Variants in DIXDC1 observed in about 807,000 individuals in gnomAD.
The protein encoded by DIXDC1 is DIX domain containing 1.
DIXDC1 carries 64 observed loss-of-function variants against 103.1 expected under a neutral mutation model. The ratio of observed to expected loss-of-function variants is 0.62; its 90% confidence interval spans 0.51 to 0.76. The LOEUF is 0.76. DIXDC1 is among the 30% of genes least tolerant of loss of function. The pLI is 0.00. For missense variants in DIXDC1, 759 were observed against 834.2 expected, an observed-to-expected ratio of 0.91 and a Z score of 1.11; for synonymous variants, 266 against 298.5, an observed-to-expected ratio of 0.89 and a Z score of 1.12.
At position 111,995,116 on chromosome 11, in the gene DIXDC1, CCT is replaced by C; in HGVS notation, c.1527+9_1527+10del. Reference sequence around the variant, plus strand: ...TCAGTCAGCAACAGAGGGGTACGTACCTGGAGTTTTGATGGAGTCCTGCCACT... The same window carrying C: ...TCAGTCAGCAACAGAGGGGTACGTACGGAGTTTTGATGGAGTCCTGCCACT... On this transcript the variant is annotated intron_variant, in intron 15 of 19. Coordinates refer to ENST00000440460, the MANE Select transcript of DIXDC1 (RefSeq NM_001037954.4). The C allele has an allele frequency of 6.2e-7, 1 of 1,612,688 alleles. No individual in the cohort carries two copies. Among genetic ancestry groups the C allele is most frequent in the South Asian group, 1.1e-5 (1 of 90,992 alleles).
At chr11:111,964,077 A>G (rs1180065195) in intron 1 of DIXDC1, among the ~76,000 whole-genome samples, 1 of 152,190 alleles carries the variant, frequency 6.6e-6, no homozygotes, top group African/African-American at 2.4e-5. Context: ...AGCATGGTTT[A>G]TTGTTTATTC....
chr11:111,930,827 CCTTT>C (rs201009230), intron 2 of DIXDC1, among the ~76,000 whole-genome samples: 4,523 of 146,120 alleles, frequency 0.031, 265 homozygotes, highest in African/African-American at 0.1. Context: ...GTGAGACCCT[CCTTT>C]CTTTCTTTCT....
At chr11:111,961,244 A>G (rs1859568095) in intron 1 of DIXDC1, among the ~76,000 whole-genome samples, 1 of 152,242 alleles carries the variant, frequency 6.6e-6, no homozygotes, top group South Asian at 2.1e-4. Flanking sequence ...TGGTGGAGGG[A>G]GTGGTTTGAC....
upstream of DIXDC1, among the ~76,000 whole-genome samples, chr11:111,935,891 C>A (rs587695145): frequency 6.6e-6 from 1 of 152,208 alleles, no homozygotes; most frequent in Non-Finnish European, 1.5e-5. Flanking sequence ...GGCCCTCTGC[C>A]CCCTGCCTGT....
intron 17 of DIXDC1, among the ~76,000 whole-genome samples, chr11:112,000,916 A>C (rs782100588): frequency 1.1e-4 from 16 of 152,160 alleles, no homozygotes; most frequent in Non-Finnish European, 2.1e-4. Flanking sequence ...ACAGTTTGGC[A>C]CTTCCTCAAA....
intron 1 of DIXDC1, among the ~76,000 whole-genome samples, chr11:111,940,404 G>A (rs1966379580): frequency 6.6e-6 from 1 of 152,136 alleles, no homozygotes; most frequent in South Asian, 2.1e-4. Context: ...GGCTTGGCCA[G>A]GCTTCCTATA....
chr11:111,971,302 G>A (rs899526636), intron 3 of DIXDC1, among the ~76,000 whole-genome samples: 6 of 152,108 alleles, frequency 3.9e-5, no homozygotes, highest in Non-Finnish European at 8.8e-5. Flanking sequence ...ATTGAAAAGT[G>A]GGCAAAGGAC....
intron 17 of DIXDC1, among the ~76,000 whole-genome samples, chr11:111,997,875 A>C (rs1468695144): frequency 1.3e-5 from 2 of 152,210 alleles, no homozygotes; most frequent in Non-Finnish European, 2.9e-5. Flanking sequence ...CTCTTATCTG[A>C]AAATACAAAA....
At chr11:112,008,340 C>A (rs1357973743) in intron 17 of DIXDC1, among the ~76,000 whole-genome samples, 2 of 152,084 alleles carry the variant, frequency 1.3e-5, no homozygotes, top group African/African-American at 4.8e-5. Flanking sequence ...TACAAAGAGA[C>A]TTAGACTCCC....
At chr11:111,984,061 G>A (rs1860410487) in intron 7 of DIXDC1, among the ~76,000 whole-genome samples, 3 of 152,148 alleles carry the variant, frequency 2.0e-5, no homozygotes, top group Admixed American at 2.0e-4. Context: ...GCCATGACTG[G>A]TGAGATAGCA....
intron 17 of DIXDC1, among the ~76,000 whole-genome samples, chr11:112,001,387 G>C (rs1381555213): frequency 7.9e-5 from 12 of 152,142 alleles, no homozygotes; most frequent in Non-Finnish European, 1.0e-4. Context: ...AATGGTGGTT[G>C]TTTGCACATC....
intron 1 of DIXDC1, chr11:111,946,702 A>T (rs1555169425): frequency 5.5e-6 from 2 of 365,162 alleles, no homozygotes; most frequent in Non-Finnish European, 5.6e-6. Flanking sequence ...GAACCTCTTA[A>T]GAACTTTAGG....
At chr11:111,987,267 T>C (rs1860524040) in intron 9 of DIXDC1, among the ~76,000 whole-genome samples, 1 of 151,450 alleles carries the variant, frequency 6.6e-6, no homozygotes, top group African/African-American at 2.4e-5. Flanking sequence ...AAAAACACCA[T>C]TATGGGACTA....
At chr11:111,992,330 C>T in intron 10 of DIXDC1, 85 bp from the exon 11 acceptor site, 2 of 1,222,356 alleles carry the variant, frequency 1.6e-6, no homozygotes, top group African/African-American at 1.5e-5. Flanking sequence ...ATGCTGGAAA[C>T]ACATTAAAGG....
intron 1 of DIXDC1, among the ~76,000 whole-genome samples, chr11:111,962,160 A>G (rs1859601913): frequency 6.6e-6 from 1 of 152,104 alleles, no homozygotes; most frequent in Non-Finnish European, 1.5e-5. Flanking sequence ...GCTTTCTGAA[A>G]AAAGTGATAC....
intron 1 of DIXDC1, among the ~76,000 whole-genome samples, chr11:111,940,150 C>A (rs1233833956): frequency 6.6e-6 from 1 of 152,240 alleles, no homozygotes; most frequent in African/African-American, 2.4e-5. Context: ...TGGCTTCCCT[C>A]TACCCACTGT....
intron 2 of DIXDC1, among the ~76,000 whole-genome samples, chr11:111,966,207 GTTTTT>G (rs1217671835): frequency 4.5e-5 from 5 of 110,242 alleles, no homozygotes; most frequent in South Asian, 6.0e-4. Context: ...AAAACCCGGG[GTTTTT>G]TTTTTTTTTT....
chr11:111,944,398 G>A (rs1339879612), intron 1 of DIXDC1, among the ~76,000 whole-genome samples: 4 of 152,136 alleles, frequency 2.6e-5, no homozygotes, highest in East Asian at 3.8e-4. Context: ...TGGTGCTTTC[G>A]CAACTCTAGC....
chr11:112,008,471 C>T (rs1555176909), intron 17 of DIXDC1, among the ~76,000 whole-genome samples: 1 of 152,208 alleles, frequency 6.6e-6, no homozygotes, highest in African/African-American at 2.4e-5. Context: ...TAGACATCTA[C>T]AGAACTCTCC....
Sources: gnomAD v4.1 joint callset for allele counts (sites outside exome capture counted in the v4.1 genomes callset) on GRCh38, gnomAD v4.1.1 for gene constraint, MANE v1.5 for transcripts, NCBI Gene and HGNC (gene_info 2026-07-23, HGNC 2026-07-21) for gene names.